Variants in IRF8 observed in about 807,000 individuals in gnomAD.
The protein encoded by IRF8 is interferon regulatory factor 8, also known as interferon consensus sequence binding protein 1.
A neutral mutation model predicts 48.7 loss-of-function variants in IRF8; 14 were observed. The observed-to-expected ratio is 0.29, with a 90% confidence interval of 0.19 to 0.45. The LOEUF (loss-of-function observed/expected upper bound fraction) is 0.45. Ranked by LOEUF, IRF8 falls within the 20% of genes least tolerant of loss-of-function variation. The pLI, the probability that IRF8 is intolerant of heterozygous loss-of-function variation, is 1.00. For missense variants in IRF8, 493 were observed against 580.7 expected (o/e 0.85, Z 1.55); for synonymous variants, 278 against 227.3 (o/e 1.22, Z -2.01).
intron 8 of IRF8, 52 bp from the exon 9 acceptor site, chr16:85,921,054 C>G: frequency 6.4e-7 from 1 of 1,553,984 alleles, no homozygotes; most frequent in Non-Finnish European, 8.7e-7. Context: ...ACAGTGCCCA[C>G]CCCCTTTGGA....
In IRF8 at chr16:85,911,641, G is replaced by T; in HGVS notation, c.430G>T (p.Asp144Tyr). ...TEMECGRSEIDELIKEPSVDD... is the reference protein window; with the variant it reads ...TEMECGRSEIYELIKEPSVDD... ...GATGGAGTGCGGTCGCTCTGAAATC[G>T]ACGAGCTGATCAAGGAGGTAAGCAG... The change falls in exon 4 of 9, where the codon GAC (aspartate) becomes TAC (tyrosine). Residue 144 changes from aspartate to tyrosine, a missense_variant. Coordinates refer to ENST00000268638, the MANE Select transcript of IRF8 (RefSeq NM_002163.4). The T allele has an allele frequency of 1.2e-6, 2 of 1,613,866 alleles. No homozygotes were observed. The highest frequency in any genetic ancestry group is 2.2e-5 in the South Asian group (2 of 91,032).
At chr16:85,900,212 G>A (rs1389120933) in intron 1 of IRF8, among the ~76,000 whole-genome samples, 2 of 152,126 alleles carry the variant, frequency 1.3e-5, no homozygotes, top group East Asian at 1.9e-4. Context: ...AGAGGGTGGG[G>A]TCTGCTGCTG....
In IRF8 at chr16:85,921,374, C is replaced by T; in HGVS notation, c.*92C>T. On this transcript the variant is annotated 3_prime_UTR_variant, in exon 9 of 9. Transcript: ENST00000268638. Reference sequence around the variant, plus strand: ...TCATGATTAAAGAATGTGGATCCCTCTGTCTGGGGTGGGATGCCTTACTTT... The same window carrying T: ...TCATGATTAAAGAATGTGGATCCCTTTGTCTGGGGTGGGATGCCTTACTTT... The T allele has an allele frequency of 2.2e-6, 3 of 1,373,616 alleles. No homozygotes were observed. The highest frequency in any genetic ancestry group is 1.0e-6 in the Non-Finnish European group (1 of 972,300). 85.1% of individuals were successfully genotyped at this position (1,373,616 alleles called of 1,614,324 possible).
intron 2 of IRF8, among the ~76,000 whole-genome samples, chr16:85,908,348 C>T (rs1157518512): frequency 6.6e-6 from 1 of 151,950 alleles, no homozygotes; most frequent in African/African-American, 2.4e-5. Context: ...ATTTCTGGTC[C>T]TAGTTCAGAT....
At chr16:85,904,376 T>G (rs893344051) in intron 2 of IRF8, among the ~76,000 whole-genome samples, 1 of 152,172 alleles carries the variant, frequency 6.6e-6, no homozygotes, top group African/African-American at 2.4e-5. Context: ...CCCATGACAG[T>G]GCTGGACTCC....
Position 85,903,039 on chromosome 16 carries a change from G to A in IRF8, c.24G>A (p.Arg8=), listed in dbSNP as rs1904875761. Residue 8 remains arginine, a synonymous_variant, in exon 2 of 9, where the codon CGG becomes CGA. Coordinates refer to ENST00000268638, the MANE Select transcript of IRF8 (RefSeq NM_002163.4). MCDRNGG[R]RLRQWLIEQI... is the part of the protein sequence containing the mutation. ...GGATGTGTGACCGGAATGGTGGTCG[G>A]CGGCTTCGACAGTGGCTGATCGAGC... The A allele has an allele frequency of 6.2e-7, 1 of 1,614,154 alleles. No individual in the cohort carries two copies. The highest frequency in any genetic ancestry group is 8.5e-7 in the Non-Finnish European group (1 of 1,180,016).
At chr16:85,909,699 C>G in intron 3 of IRF8, 1 of 168,764 alleles carries the variant, frequency 5.9e-6, no homozygotes, top group Admixed American at 5.6e-5. Flanking sequence ...TCTCAAATCC[C>G]AAGAAAGCAT....
intron 8 of IRF8, among the ~76,000 whole-genome samples, chr16:85,920,643 G>A (rs1411030196): frequency 6.6e-6 from 1 of 152,208 alleles, no homozygotes; most frequent in African/African-American, 2.4e-5. Context: ...CACCTGTGTA[G>A]GAGGCAGGCC....
intron 2 of IRF8, among the ~76,000 whole-genome samples, chr16:85,904,519 C>T (rs1219509973): frequency 1.3e-5 from 2 of 152,158 alleles, no homozygotes; most frequent in African/African-American, 2.4e-5. Context: ...TCTGCCTGAC[C>T]GATGTTTGCA....
At chr16:85,904,184 A>T (rs1175744170) in intron 2 of IRF8, among the ~76,000 whole-genome samples, 1 of 152,210 alleles carries the variant, frequency 6.6e-6, no homozygotes, top group African/African-American at 2.4e-5. Flanking sequence ...CACTACACGT[A>T]GTCTGAGTCC....
At chr16:85,906,264 C>A (rs1012768461) in intron 2 of IRF8, among the ~76,000 whole-genome samples, 1 of 152,120 alleles carries the variant, frequency 6.6e-6, no homozygotes, top group Non-Finnish European at 1.5e-5. Context: ...TCAGTGCTGT[C>A]AGCCTGAGTT....
chr16:85,919,772 C>A (rs2143053005), intron 7 of IRF8, among the ~76,000 whole-genome samples: 1 of 152,336 alleles, frequency 6.6e-6, no homozygotes, highest in African/African-American at 2.4e-5. Context: ...GCAGCCCTCC[C>A]TGGGTGTCCT....
At chr16:85,915,638 G>T (rs1164695280) in intron 6 of IRF8, among the ~76,000 whole-genome samples, 1 of 152,228 alleles carries the variant, frequency 6.6e-6, no homozygotes, top group Non-Finnish European at 1.5e-5. Context: ...AGGCCTCCTT[G>T]TGCCCGGCAG....
At chr16:85,918,932 G>A (rs531286147) in intron 7 of IRF8, 129 bp downstream of exon 7, 6 of 1,223,340 alleles carry the variant, frequency 4.9e-6, no homozygotes, top group Admixed American at 3.8e-5. Flanking sequence ...GGGGCATGGT[G>A]TGGCAAGGAG....
chr16:85,906,639 C>T (rs779061334), intron 2 of IRF8, among the ~76,000 whole-genome samples: 22 of 152,104 alleles, frequency 1.4e-4, no homozygotes, highest in East Asian at 1.9e-4. Context: ...TTGCAGGCAC[C>T]GCGGTTGCGT....
At chr16:85,913,077 C>G in intron 4 of IRF8, 54 bp from the exon 5 acceptor site, 1 of 1,206,470 alleles carries the variant, frequency 8.3e-7, no homozygotes, top group South Asian at 1.2e-5. Context: ...ACTGGAGCCC[C>G]AGGTGGGAGA....
intron 6 of IRF8, among the ~76,000 whole-genome samples, chr16:85,915,952 T>C (rs305069): frequency 0.56 from 85,175 of 151,548 alleles, 25,795 homozygotes; most frequent in African/African-American, 0.8. Context: ...AAATCCATGC[T>C]TCAGTTTCCT....
rs776961095 is a variant in IRF8, at chr16:85,918,513, A to T, written c.698A>T (p.Gln233Leu). Residue 233 changes from glutamine to leucine, a missense_variant, in exon 7 of 9, where the codon CAG becomes CTG. Physicochemically the swap from Gln to Leu is moderately radical, Grantham distance 113. Transcript: ENST00000268638. ...GAGGGCTGCCGCCTGTCCCTGAGCC[A>T]GCCTGGGCTGCCCGGCACCAAGCTG... ...CPEGCRLSLS[Q>L]PGLPGTKLYG... 2 of 1,597,596 alleles carry T rather than the reference A, an allele frequency of 1.3e-6. No individual in the cohort carries two copies. Among genetic ancestry groups the T allele is most frequent in the Non-Finnish European group, 1.7e-6 (2 of 1,176,796 alleles).
At chr16:85,913,767 T>G (rs1180543326) in intron 5 of IRF8, among the ~76,000 whole-genome samples, 2 of 152,248 alleles carry the variant, frequency 1.3e-5, no homozygotes, top group Non-Finnish European at 2.9e-5. Flanking sequence ...AGCCTCAGTT[T>G]ATTCATCCGT....
Sources: allele counts gnomAD v4.1 joint callset (sites outside exome capture counted in the v4.1 genomes callset), GRCh38; gene constraint gnomAD v4.1.1; transcripts MANE v1.5; gene names NCBI Gene and HGNC (gene_info 2026-07-23, HGNC 2026-07-21).